The following RGS6 variants were observed in gnomAD, a reference collection of about 807,000 sequenced individuals.
The protein encoded by RGS6 is regulator of G-protein signaling 6.
A neutral mutation model predicts 78.5 loss-of-function variants in RGS6; 30 were observed. The ratio of observed to expected loss-of-function variants is 0.38; its 90% confidence interval spans 0.29 to 0.52. The LOEUF is 0.52. Ranked by LOEUF, RGS6 falls within the 20% of genes least tolerant of loss-of-function variation. RGS6 has a pLI of 0.85. For synonymous variants in RGS6, 206 were observed against 206.0 expected, an observed-to-expected ratio of 1.00 and a Z score of 0.00; for missense variants, 495 against 609.7, an observed-to-expected ratio of 0.81 and a Z score of 1.98.
At chr14:72,358,920 G>A (rs930914882) in intron 3 of RGS6, among the ~76,000 whole-genome samples, 1 of 152,176 alleles carries the variant, frequency 6.6e-6, no homozygotes, top group African/African-American at 2.4e-5. Context: ...TAGTCCCCAT[G>A]AGTCTTGGGA....
the RGS6 span, among the ~76,000 whole-genome samples, chr14:72,601,921 T>C: frequency 0.89 from 135,933 of 152,262 alleles, 60,799 homozygotes; most frequent in Non-Finnish European, 0.92. Context: ...GCACCCTCCC[T>C]TCTGAACTCT....
At chr14:72,360,838 G>A (rs774167744) in intron 3 of RGS6, among the ~76,000 whole-genome samples, 24 of 152,176 alleles carry the variant, frequency 1.6e-4, no homozygotes, top group East Asian at 3.9e-4. Context: ...CCCATAATCC[G>A]CACATGTCGA....
chr14:71,889,652 A>G, the RGS6 span, among the ~76,000 whole-genome samples: 1 of 152,202 alleles, frequency 6.6e-6, no homozygotes, highest in African/African-American at 2.4e-5. Flanking sequence ...AGGTACAGAA[A>G]GGAAAAGCAA....
chr14:72,425,888 C>T (rs1272087418), intron 3 of RGS6, among the ~76,000 whole-genome samples: 2 of 152,060 alleles, frequency 1.3e-5, no homozygotes, highest in Non-Finnish European at 2.9e-5. Flanking sequence ...ACTTCTTCAG[C>T]TAAAGGAAGT....
chr14:72,200,989 AAGAAG>A (rs1318192598), intron 2 of RGS6, among the ~76,000 whole-genome samples: 6 of 135,648 alleles, frequency 4.4e-5, no homozygotes, highest in African/African-American at 1.7e-4. Flanking sequence ...AAAAAAAAAG[AAGAAG>A]AAAAGAAAAG....
intron 3 of RGS6, among the ~76,000 whole-genome samples, chr14:72,389,275 C>T (rs1050657525): frequency 6.6e-6 from 1 of 152,110 alleles, no homozygotes; most frequent in African/African-American, 2.4e-5. Flanking sequence ...GGTGTCTGCC[C>T]AACCCCCACC....
chr14:72,280,981 A>C (rs1053247944), intron 2 of RGS6, among the ~76,000 whole-genome samples: 3 of 152,198 alleles, frequency 2.0e-5, no homozygotes, highest in Admixed American at 1.3e-4. Context: ...AGGAAATCCT[A>C]TGTAGGCAGA....
intron 17 of RGS6, chr14:72,541,759 G>A: frequency 1.1e-6 from 1 of 888,016 alleles, no homozygotes. Flanking sequence ...AGCTCTTGAG[G>A]GTGACCGTGC....
At chr14:71,955,703 T>G (rs2092731203) in intron 1 of RGS6, among the ~76,000 whole-genome samples, 1 of 152,124 alleles carries the variant, frequency 6.6e-6, no homozygotes, top group South Asian at 2.1e-4. Context: ...GGGTTTCAGC[T>G]GGCTTCTTTA....
intron 2 of RGS6, among the ~76,000 whole-genome samples, chr14:72,253,852 G>A (rs1035402978): frequency 3.3e-5 from 5 of 152,156 alleles, no homozygotes; most frequent in Admixed American, 2.6e-4. Context: ...GATGTATGGG[G>A]TGTTTGTTAC....
intron 12 of RGS6, among the ~76,000 whole-genome samples, chr14:72,486,208 G>C (rs2153385508): frequency 6.6e-6 from 1 of 152,310 alleles, no homozygotes; most frequent in South Asian, 2.1e-4. Context: ...CCCCAGCCAT[G>C]CTGAACCATG....
At chr14:72,302,007 A>G (rs942123880) in intron 2 of RGS6, among the ~76,000 whole-genome samples, 6 of 152,216 alleles carry the variant, frequency 3.9e-5, no homozygotes, top group African/African-American at 1.4e-4. Flanking sequence ...CTACATATTT[A>G]TTAATAAGGA....
intron 3 of RGS6, among the ~76,000 whole-genome samples, chr14:72,413,664 A>G (rs1346816284): frequency 1.3e-5 from 2 of 152,100 alleles, no homozygotes; most frequent in East Asian, 1.9e-4. Flanking sequence ...CCTAGCCTTG[A>G]TGGTCTTTAC....
chr14:72,086,779 A>G (rs954098953), intron 2 of RGS6, among the ~76,000 whole-genome samples: 2 of 152,226 alleles, frequency 1.3e-5, no homozygotes, highest in African/African-American at 4.8e-5. Context: ...CTTTGCAAGT[A>G]AGTGGCTGGA....
At chr14:72,240,854 C>T (rs578175843) in intron 2 of RGS6, among the ~76,000 whole-genome samples, 2 of 152,194 alleles carry the variant, frequency 1.3e-5, no homozygotes, top group Admixed American at 1.3e-4. Flanking sequence ...GTAGCTAATT[C>T]CTACAATTAA....
the RGS6 span, among the ~76,000 whole-genome samples, chr14:72,606,329 T>C: frequency 6.6e-6 from 1 of 152,064 alleles, no homozygotes; most frequent in Admixed American, 6.6e-5. Context: ...TTATAGAAAC[T>C]CATGCCTGTA....
chr14:72,124,500 A>G (rs924413150), intron 2 of RGS6, among the ~76,000 whole-genome samples: 1 of 152,222 alleles, frequency 6.6e-6, no homozygotes, highest in African/African-American at 2.4e-5. Flanking sequence ...ACTGCACAAG[A>G]CAAATTACTG....
chr14:72,402,456 C>T (rs903536730), intron 3 of RGS6, among the ~76,000 whole-genome samples: 2 of 152,054 alleles, frequency 1.3e-5, no homozygotes, highest in South Asian at 2.1e-4. Context: ...TCTAAACAGA[C>T]ATTTCTCAAA....
chr14:72,030,560 T>C (rs555211283), intron 2 of RGS6, among the ~76,000 whole-genome samples: 19 of 152,300 alleles, frequency 1.2e-4, no homozygotes, highest in Middle Eastern at 3.4e-3. Flanking sequence ...AATTAGATGA[T>C]CAAATTATAA....
Sources: gnomAD v4.1 joint callset for allele counts (sites outside exome capture counted in the v4.1 genomes callset) on GRCh38, gnomAD v4.1.1 for gene constraint, MANE v1.5 for transcripts, NCBI Gene and HGNC (gene_info 2026-07-23, HGNC 2026-07-21) for gene names.